The following PSD4 variants were observed in gnomAD, a reference collection of about 807,000 sequenced individuals.
PSD4 encodes pleckstrin and Sec7 domain containing 4, also known as PH and SEC7 domain-containing protein 4.
A neutral mutation model predicts 112.5 loss-of-function variants in PSD4; 59 were observed. The observed-to-expected ratio is 0.52, with a 90% CI of 0.43 to 0.65. The LOEUF (loss-of-function observed/expected upper bound fraction) is 0.65. Among genes scored for constraint, PSD4 ranks in the 30% least tolerant of loss-of-function variants. PSD4 has a pLI of 0.00. For synonymous variants in PSD4, 533 were observed against 540.0 expected (o/e 0.99, Z 0.18); for missense variants, 1,267 against 1,352.6 (o/e 0.94, Z 0.99).
intron 16 of PSD4, among the ~76,000 whole-genome samples, chr2:113,200,434 C>A (rs1466885287): frequency 2.0e-5 from 3 of 152,236 alleles, no homozygotes; most frequent in Admixed American, 1.3e-4. Context: ...ATGCAGCCCT[C>A]TGCCTGTCTT....
Position 113,201,328 on chromosome 2 carries a change from T to G in PSD4, c.3084T>G (p.Ala1028=). 1 of 1,613,656 alleles carries G rather than the reference T, an allele frequency of 6.2e-7. No individual in the cohort carries two copies. The highest frequency in any genetic ancestry group is 2.2e-5 in the East Asian group (1 of 44,852). ...GCCCGTCCCTGCACCAGGATGAGGC[T>G]CCCACCACGGCCAAGGTGAAGCGCA... is the stretch of plus-strand genomic sequence containing the variant. The part of the protein sequence containing the change: ...HSSPSLHQDE[A]PTTAKVKRNI... Residue 1028 remains alanine, a synonymous_variant, in exon 17 of 17, where the codon GCT becomes GCG. Transcript: ENST00000245796.
chr2:113,183,895 C>T (rs531744040), intron 2 of PSD4, among the ~76,000 whole-genome samples: 8 of 152,342 alleles, frequency 5.3e-5, no homozygotes, highest in South Asian at 2.1e-4. Flanking sequence ...AACAGGGCAG[C>T]GCTCAGCCTG....
Position 113,183,255 on chromosome 2 carries a change from T to C in PSD4, c.799T>C (p.Ser267Pro), listed in dbSNP as rs980565060. ...GAACAGTGCTTCTGGAGAGTGCTTTTCCTGGGGGGCTTCAGACTCCCATGC... is the reference window on the plus strand; with the variant it reads ...GAACAGTGCTTCTGGAGAGTGCTTTCCCTGGGGGGCTTCAGACTCCCATGC... ...SENSASGECFSWGASDSHAGV... is the reference protein window; with the variant it reads ...SENSASGECFPWGASDSHAGV... The change falls in exon 2 of 17, where the codon TCC (serine) becomes CCC (proline). Residue 267 changes from serine (S) to proline (P), a missense_variant. Transcript: ENST00000245796. The C allele has an allele frequency of 1.2e-6, 2 of 1,614,028 alleles. No individual in the cohort carries two copies. Among genetic ancestry groups the C allele is most frequent in the Non-Finnish European group, 1.7e-6 (2 of 1,180,008 alleles).
In PSD4 at chr2:113,197,514, T is replaced by C. The variant is rs1432972325; in HGVS notation, c.2387-50T>C. 2.5e-6 allele frequency: 4 copies of C among 1,605,540 alleles called. No individual in the cohort carries two copies. In the Admixed American group the frequency reaches 6.7e-5, roughly 27 times the overall value. On this transcript the variant is annotated intron_variant, in intron 12 of 16. Transcript: ENST00000245796. Reference sequence around the variant, plus strand: ...ACACTTGCGTGTGTCTGAGTGTGTCTGGATGCTGGTGCCCCCACCTACAAC... The same window carrying C: ...ACACTTGCGTGTGTCTGAGTGTGTCCGGATGCTGGTGCCCCCACCTACAAC...
chr2:113,186,506 G>T (rs1038747585), intron 5 of PSD4, among the ~76,000 whole-genome samples: 12 of 152,224 alleles, frequency 7.9e-5, no homozygotes, highest in African/African-American at 2.4e-4. Context: ...GGCTTCAGAA[G>T]AAGCATCCAC....
At chr2:113,180,406 A>T (rs144968785) in intron 1 of PSD4, among the ~76,000 whole-genome samples, 9 of 152,084 alleles carry the variant, frequency 5.9e-5, no homozygotes, top group Non-Finnish European at 1.3e-4. Context: ...GCTGACCCCC[A>T]TGGGTTTGTT....
intron 1 of PSD4, among the ~76,000 whole-genome samples, chr2:113,178,123 C>T (rs1381708363): frequency 1.3e-5 from 2 of 152,166 alleles, no homozygotes; most frequent in East Asian, 1.9e-4. Context: ...GAGGCTGAGA[C>T]AGGAGAATCG....
chr2:113,184,377 CTTT>C (rs10610865), intron 2 of PSD4, among the ~76,000 whole-genome samples: 116 of 125,702 alleles, frequency 9.2e-4, no homozygotes, highest in Non-Finnish European at 1.2e-3. Flanking sequence ...TCAGGACTTT[CTTT>C]TTTTTTTTTT....
intron 5 of PSD4, among the ~76,000 whole-genome samples, chr2:113,191,919 C>T (rs926992721): frequency 2.0e-5 from 3 of 152,192 alleles, no homozygotes; most frequent in Non-Finnish European, 4.4e-5. Flanking sequence ...ACCTAGCTTC[C>T]TGTTCTCAGC....
chr2:113,186,395 C>T, intron 5 of PSD4, 140 bp downstream of exon 5: 1 of 945,844 alleles, frequency 1.1e-6, no homozygotes, highest in East Asian at 2.6e-5. Context: ...TGAGTGGGTA[C>T]CAGGAAGAGT....
chr2:113,177,943 T>A (rs1394071188), intron 1 of PSD4, among the ~76,000 whole-genome samples: 2 of 152,154 alleles, frequency 1.3e-5, no homozygotes, highest in Non-Finnish European at 2.9e-5. Context: ...GCCGGCCAGG[T>A]GCTGTGGCTC....
chr2:113,198,468 C>T (rs1688674322), intron 14 of PSD4: 2 of 375,132 alleles, frequency 5.3e-6, no homozygotes, highest in South Asian at 1.9e-4. Context: ...GACGGGGTTT[C>T]ACCCTGTTGA....
At chr2:113,199,335 G>C in intron 16 of PSD4, 109 bp downstream of exon 16, 1 of 1,257,006 alleles carries the variant, frequency 8.0e-7, no homozygotes, top group South Asian at 2.5e-5. Flanking sequence ...GGGGCGGGGA[G>C]AGGCGCTTGC....
chr2:113,199,564 G>A (rs1688718848), intron 16 of PSD4, among the ~76,000 whole-genome samples: 1 of 151,982 alleles, frequency 6.6e-6, no homozygotes, highest in Admixed American at 6.5e-5. Flanking sequence ...CTTTTCCCAA[G>A]TTGAAGGGAA....
rs1301814672 is a variant in PSD4, at chr2:113,201,111, A to G, written c.2914-47A>G. Reference sequence around the variant, plus strand: ...CCCTCACGATTCTAGCCTCCTCCCAACCTGGAGCCAGGATGGTGCTAAGGT... The same window carrying G: ...CCCTCACGATTCTAGCCTCCTCCCAGCCTGGAGCCAGGATGGTGCTAAGGT... On this transcript the variant is annotated intron_variant, in intron 16 of 16. Transcript: ENST00000245796. 24 of 1,558,856 alleles carry G rather than the reference A, an allele frequency of 1.5e-5. No individual in the cohort carries two copies. In the East Asian group the frequency reaches 5.2e-4, roughly 34 times the overall value.
At chr2:113,194,969 G>A (rs995661948) in intron 10 of PSD4, among the ~76,000 whole-genome samples, 26 of 152,178 alleles carry the variant, frequency 1.7e-4, no homozygotes, top group Admixed American at 1.1e-3. Flanking sequence ...TAACATCTAC[G>A]TTAATATGTC....
At chr2:113,199,951 G>A (rs1371146094) in intron 16 of PSD4, among the ~76,000 whole-genome samples, 2 of 152,038 alleles carry the variant, frequency 1.3e-5, no homozygotes, top group Non-Finnish European at 2.9e-5. Context: ...TCAGCCTCCC[G>A]AGTAGCTGGG....
At chr2:113,175,665 C>T (rs1249625557) in intron 1 of PSD4, among the ~76,000 whole-genome samples, 3 of 152,124 alleles carry the variant, frequency 2.0e-5, no homozygotes, top group African/African-American at 4.8e-5. Flanking sequence ...AAGGAGGGAG[C>T]GTTTGCTTGC....
chr2:113,192,711 C>T (rs1217467858), intron 6 of PSD4, 122 bp downstream of exon 6: 3 of 1,038,288 alleles, frequency 2.9e-6, no homozygotes, highest in Non-Finnish European at 4.2e-6. Flanking sequence ...TCCCATCTCC[C>T]CTCCTAACTT....
Sources: gnomAD v4.1 joint callset for allele counts (sites outside exome capture counted in the v4.1 genomes callset) on GRCh38, gnomAD v4.1.1 for gene constraint, MANE v1.5 for transcripts, NCBI Gene and HGNC (gene_info 2026-07-23, HGNC 2026-07-21) for gene names.